The following CASP6 variants were observed in gnomAD, a reference collection of about 807,000 sequenced individuals.
CASP6 encodes the protein caspase-6.
A neutral mutation model predicts 31.8 loss-of-function variants in CASP6; 20 were observed. The ratio of observed to expected loss-of-function variants is 0.63; its 90% CI spans 0.44 to 0.91. The LOEUF (loss-of-function observed/expected upper bound fraction) is 0.91. Ranked by LOEUF, CASP6 falls within the 40% of genes least tolerant of loss-of-function variation. The pLI, the probability that CASP6 is intolerant of heterozygous loss-of-function variation, is 0.00. For missense variants in CASP6, 328 were observed against 361.1 expected, an observed-to-expected ratio of 0.91 and a Z score of 0.74; for synonymous variants, 130 against 127.8, an observed-to-expected ratio of 1.02 and a Z score of -0.12.
upstream of CASP6, among the ~76,000 whole-genome samples, chr4:109,706,129 TTTTA>T (rs1458908968): frequency 0.046 from 2,579 of 55,918 alleles, 151 homozygotes; most frequent in South Asian, 0.14. Flanking sequence ...TACCTATCCA[TTTTA>T]TATATATATA....
At chr4:109,686,134 G>A (rs1729831001), downstream of CASP6, among the ~76,000 whole-genome samples, 1 of 152,146 alleles carries the variant, frequency 6.6e-6, no homozygotes, top group African/African-American at 2.4e-5. Flanking sequence ...AAAAATTGAA[G>A]GACGTTTTAA....
downstream of CASP6, chr4:109,688,102 C>T (rs1729892812): frequency 6.6e-6 from 1 of 152,450 alleles, no homozygotes; most frequent in Admixed American, 6.5e-5. Context: ...GTTCCACCAA[C>T]CATAAAGTAT....
chr4:109,702,323 GTTCT>G lies in CASP6; in HGVS notation c.40+1029_40+1032del, dbSNP rs1730444875. On this transcript the variant is annotated intron_variant, in intron 1 of 6. Coordinates refer to ENST00000265164, the MANE Select transcript of CASP6 (RefSeq NM_001226.4). ...CACTCTAACCAACTGCAGGCGTTTCGTTCTTTTTTTTTTTTTTTCTTCTTGATTC... is the reference window on the plus strand; with the variant it reads ...CACTCTAACCAACTGCAGGCGTTTCGTTTTTTTTTTTTTTCTTCTTGATTC... Among the ~76,000 whole-genome samples the G allele has an allele frequency of 1.3e-5, 2 of 150,984 alleles. 1 individual carries two copies. Among genetic ancestry groups the G allele is most frequent in the South Asian group, 4.2e-4 (2 of 4,774 alleles).
At chr4:109,703,610 G>A, upstream of CASP6, 1 of 596,344 alleles carries the variant, frequency 1.7e-6, no homozygotes. Flanking sequence ...GAGCCCGCGG[G>A]GACCAAGAGC....
chr4:109,679,460 A>G, the CASP6 span, among the ~76,000 whole-genome samples: 359 of 152,312 alleles, frequency 2.4e-3, 1 homozygote, highest in African/African-American at 8.0e-3. Flanking sequence ...AGCCCGGTCA[A>G]CACGGCGAAA....
chr4:109,670,334 CTTT>C, the CASP6 span, among the ~76,000 whole-genome samples: 4,941 of 152,182 alleles, frequency 0.032, 268 homozygotes, highest in African/African-American at 0.11. Flanking sequence ...TTGGGTTTTT[CTTT>C]TCCCCTAGGT....
At chr4:109,696,256 C>T (rs930198287) in intron 4 of CASP6, among the ~76,000 whole-genome samples, 154 bp downstream of exon 4, 9 of 152,094 alleles carry the variant, frequency 5.9e-5, no homozygotes, top group Admixed American at 3.3e-4. Context: ...TGCTGGGTAA[C>T]GGAAACACAG....
At chr4:109,684,836 C>T (rs1310529332), downstream of CASP6, 2 of 504,496 alleles carry the variant, frequency 4.0e-6, no homozygotes, top group Non-Finnish European at 6.9e-6. Flanking sequence ...TATATAACTT[C>T]TTTGGAGAAG....
At chr4:109,684,289 C>T (rs1240886010), downstream of CASP6, among the ~76,000 whole-genome samples, 2 of 152,162 alleles carry the variant, frequency 1.3e-5, no homozygotes, top group African/African-American at 4.8e-5. Flanking sequence ...GTCTCGATCT[C>T]CTGACCTCGT....
chr4:109,669,678 T>G, the CASP6 span, among the ~76,000 whole-genome samples: 1 of 151,726 alleles, frequency 6.6e-6, no homozygotes, highest in Admixed American at 6.5e-5. Flanking sequence ...TGTCCTAAAG[T>G]TCTTAGATGT....
downstream of CASP6, chr4:109,688,195 G>A (rs1445276351): frequency 2.6e-5 from 4 of 152,166 alleles, no homozygotes; most frequent in African/African-American, 4.8e-5. Context: ...TTCAGGTATC[G>A]AAGCCAAAAC....
At chr4:109,687,179 ACTCCAT>A (rs1729864685), downstream of CASP6, among the ~76,000 whole-genome samples, 1 of 151,966 alleles carries the variant, frequency 6.6e-6, no homozygotes, top group South Asian at 2.1e-4. Context: ...ACATGGCAAA[ACTCCAT>A]CTCTACAAAA....
chr4:109,706,170 T>C (rs531325680), upstream of CASP6, among the ~76,000 whole-genome samples: 647 of 88,914 alleles, frequency 7.3e-3, 12 homozygotes, highest in African/African-American at 0.017. Context: ...TATATATATA[T>C]ACACACACAC....
chr4:109,664,764 G>A, the CASP6 span, among the ~76,000 whole-genome samples: 1 of 152,036 alleles, frequency 6.6e-6, no homozygotes, highest in African/African-American at 2.4e-5. Flanking sequence ...TTTCCAGCAG[G>A]GGTATAAGTG....
chr4:109,682,758 G>A, the CASP6 span: 38 of 1,591,446 alleles, frequency 2.4e-5, no homozygotes, highest in African/African-American at 6.8e-5. Flanking sequence ...GAAGCATCAC[G>A]GTTGAGTATA....
the CASP6 span, among the ~76,000 whole-genome samples, chr4:109,676,276 C>T: frequency 6.6e-6 from 1 of 152,158 alleles, no homozygotes; most frequent in African/African-American, 2.4e-5. Context: ...TGGTGACTCG[C>T]ACCTATAATC....
chr4:109,701,848 T>C, intron 1 of CASP6, among the ~76,000 whole-genome samples: 1 of 152,112 alleles, frequency 6.6e-6, no homozygotes, highest in Non-Finnish European at 1.5e-5. Context: ...GAAGCTGGGA[T>C]TGAAAGCCAG....
chr4:109,706,160 T>TATATATATAC (rs1730611809), upstream of CASP6, among the ~76,000 whole-genome samples: 1 of 93,662 alleles, frequency 1.1e-5, no homozygotes, highest in African/African-American at 6.3e-5. Flanking sequence ...TATATATATA[T>TATATATATAC]ATATATATAT....
the CASP6 span, among the ~76,000 whole-genome samples, chr4:109,679,213 C>T: frequency 1.3e-4 from 20 of 150,438 alleles, no homozygotes; most frequent in African/African-American, 2.7e-4. Flanking sequence ...ATGGGTGGCC[C>T]GGCAGAGACA....
Sources: gnomAD v4.1 joint callset for allele counts (sites outside exome capture counted in the v4.1 genomes callset) on GRCh38, gnomAD v4.1.1 for gene constraint, MANE v1.5 for transcripts, NCBI Gene and HGNC (gene_info 2026-07-23, HGNC 2026-07-21) for gene names.